Variants in RSPO2 observed in about 807,000 individuals in gnomAD.
RSPO2 encodes the protein R-spondin 2, also known as R-spondin-2.
Under a neutral mutation model 30.9 loss-of-function variants are expected in RSPO2, and 14 were observed. That is an observed-to-expected ratio of 0.45 (90% CI 0.30 to 0.71). RSPO2 has a LOEUF of 0.71. Ranked by LOEUF, RSPO2 falls within the 30% of genes least tolerant of loss-of-function variation. The pLI, the probability that RSPO2 is intolerant of heterozygous loss-of-function variation, is 0.08. For synonymous variants in RSPO2, 107 were observed against 96.4 expected (o/e 1.11, Z -0.64); for missense variants, 264 against 301.9 (o/e 0.87, Z 0.93).
chr8:107,906,209 C>A (rs2130254058), intron 5 of RSPO2, among the ~76,000 whole-genome samples: 1 of 151,948 alleles, frequency 6.6e-6, no homozygotes, highest in Non-Finnish European at 1.5e-5. Flanking sequence ...TAAACTTGGA[C>A]AAAGATTCAT....
intron 2 of RSPO2, among the ~76,000 whole-genome samples, chr8:108,058,685 A>G (rs1812341766): frequency 6.6e-6 from 1 of 151,908 alleles, no homozygotes; most frequent in African/African-American, 2.4e-5. Flanking sequence ...GCCCTCAGAA[A>G]TAATGCCACA....
At chr8:108,079,698 G>GAAAAAA (rs745317222) in intron 2 of RSPO2, among the ~76,000 whole-genome samples, 1 of 133,188 alleles carries the variant, frequency 7.5e-6, no homozygotes, top group Admixed American at 7.6e-5. Context: ...ATGGAATATG[G>GAAAAAA]AAAAAAAAAA....
chr8:107,940,438 T>G (rs981860745), intron 5 of RSPO2, among the ~76,000 whole-genome samples: 1 of 152,160 alleles, frequency 6.6e-6, no homozygotes, highest in Non-Finnish European at 1.5e-5. Flanking sequence ...ATATTTTTAT[T>G]GCATGTTTTA....
chr8:107,961,423 A>G (rs902205877), intron 3 of RSPO2, among the ~76,000 whole-genome samples: 7 of 152,184 alleles, frequency 4.6e-5, no homozygotes, highest in African/African-American at 1.7e-4. Flanking sequence ...ATAATCCTAC[A>G]GCTGGGCAGT....
At chr8:108,061,926 T>C (rs1812481222) in intron 2 of RSPO2, among the ~76,000 whole-genome samples, 1 of 151,908 alleles carries the variant, frequency 6.6e-6, no homozygotes, top group Non-Finnish European at 1.5e-5. Context: ...AACCTGCTCC[T>C]GAATGACTAC....
At chr8:108,020,994 C>T (rs1811043820) in intron 2 of RSPO2, among the ~76,000 whole-genome samples, 1 of 152,132 alleles carries the variant, frequency 6.6e-6, no homozygotes, top group Non-Finnish European at 1.5e-5. Context: ...AAACATATTG[C>T]TAAAATAAAG....
intron 3 of RSPO2, among the ~76,000 whole-genome samples, chr8:107,965,890 G>A (rs1200820074): frequency 6.6e-6 from 1 of 152,142 alleles, no homozygotes; most frequent in Non-Finnish European, 1.5e-5. Context: ...CAATTATACT[G>A]GAGAATGTAA....
At chr8:108,034,854 GAT>G (rs1443123335) in intron 2 of RSPO2, among the ~76,000 whole-genome samples, 1 of 152,182 alleles carries the variant, frequency 6.6e-6, no homozygotes. Flanking sequence ...TTAATCTTGT[GAT>G]AACCTGTGAC....
intron 3 of RSPO2, among the ~76,000 whole-genome samples, chr8:107,980,057 C>T (rs1459198521): frequency 1.3e-5 from 2 of 152,042 alleles, no homozygotes; most frequent in Non-Finnish European, 2.9e-5. Flanking sequence ...TACCCTTTAC[C>T]CTCTTACTCT....
At chr8:108,070,332 CCGGACTG>C (rs1207237668) in intron 2 of RSPO2, among the ~76,000 whole-genome samples, 1 of 139,830 alleles carries the variant, frequency 7.2e-6, no homozygotes, top group African/African-American at 2.7e-5. Context: ...GTCGCCCAGG[CCGGACTG>C]CGGACTGCAG....
At chr8:107,980,924 G>A (rs1429379085) in intron 3 of RSPO2, among the ~76,000 whole-genome samples, 1 of 152,120 alleles carries the variant, frequency 6.6e-6, no homozygotes, top group Non-Finnish European at 1.5e-5. Context: ...GTCTAATTCT[G>A]TATCAGTTTC....
chr8:107,973,570 C>T (rs1480082825), intron 3 of RSPO2, among the ~76,000 whole-genome samples: 1 of 150,232 alleles, frequency 6.7e-6, no homozygotes, highest in South Asian at 2.1e-4. Context: ...ACAGAACAAG[C>T]AAACAAAAAA....
At chr8:108,016,540 G>GAA (rs143726722) in intron 2 of RSPO2, among the ~76,000 whole-genome samples, 2 of 151,654 alleles carry the variant, frequency 1.3e-5, no homozygotes, top group Non-Finnish European at 2.9e-5. Context: ...CACACACAGA[G>GAA]AAAAAAAACC....
At chr8:108,061,132 A>T (rs1292231330) in intron 2 of RSPO2, among the ~76,000 whole-genome samples, 1 of 151,814 alleles carries the variant, frequency 6.6e-6, no homozygotes, top group Admixed American at 6.5e-5. Flanking sequence ...TCAACTAACA[A>T]GCAAAATAAC....
intron 5 of RSPO2, among the ~76,000 whole-genome samples, chr8:107,936,343 T>G (rs986854990): frequency 3.9e-5 from 6 of 152,208 alleles, no homozygotes; most frequent in African/African-American, 1.4e-4. Context: ...CTTTCATCCA[T>G]CCATCCATCC....
intron 2 of RSPO2, among the ~76,000 whole-genome samples, chr8:108,005,558 G>A (rs1815426648): frequency 6.6e-6 from 1 of 152,010 alleles, no homozygotes; most frequent in South Asian, 2.1e-4. Context: ...CAAACAAGCA[G>A]ACAGAAAGGT....
At chr8:108,077,022 G>A (rs1027447327) in intron 2 of RSPO2, among the ~76,000 whole-genome samples, 4 of 152,110 alleles carry the variant, frequency 2.6e-5, no homozygotes, top group Non-Finnish European at 4.4e-5. Flanking sequence ...ACCGATGCTG[G>A]ACTTGGCAAT....
intron 5 of RSPO2, among the ~76,000 whole-genome samples, chr8:107,918,084 T>C (rs1812033959): frequency 6.6e-6 from 1 of 152,172 alleles, no homozygotes; most frequent in African/African-American, 2.4e-5. Context: ...TAACAGGAGT[T>C]AATTGAATGG....
intron 5 of RSPO2, among the ~76,000 whole-genome samples, chr8:107,945,937 G>A (rs1813045527): frequency 6.6e-6 from 1 of 152,170 alleles, no homozygotes; most frequent in Admixed American, 6.5e-5. Flanking sequence ...GGTGAAACGA[G>A]TTCACCTTTG....
Sources: allele counts gnomAD v4.1 joint callset (sites outside exome capture counted in the v4.1 genomes callset), GRCh38; gene constraint gnomAD v4.1.1; transcripts MANE v1.5; gene names NCBI Gene and HGNC (gene_info 2026-07-23, HGNC 2026-07-21).